Variants in ENPP3 observed in about 807,000 individuals in gnomAD.
The protein encoded by ENPP3 is ectonucleotide pyrophosphatase/phosphodiesterase 3, also known as ectonucleotide pyrophosphatase/phosphodiesterase family member 3.
ENPP3 carries 104 observed loss-of-function variants against 117.8 expected under a neutral mutation model. The observed-to-expected ratio is 0.88, with a 90% confidence interval of 0.75 to 1.04. The LOEUF (loss-of-function observed/expected upper bound fraction) is 1.04, where lower values mean the gene tolerates loss of function less well. ENPP3 is among the 50% of genes least tolerant of loss of function. The pLI, the probability that ENPP3 is intolerant of heterozygous loss-of-function variation, is 0.00. For missense variants in ENPP3, 1,026 were observed against 1,051.9 expected (o/e 0.98, Z 0.34); for synonymous variants, 380 against 349.9 (o/e 1.09, Z -0.96).
intron 11 of ENPP3, among the ~76,000 whole-genome samples, chr6:131,678,941 CT>C (rs1457205356): frequency 2.1e-5 from 2 of 94,252 alleles, no homozygotes; most frequent in African/African-American, 1.5e-4. Flanking sequence ...TTCTTTCTTT[CT>C]TTCTTTCTTT....
At chr6:131,746,125 A>G (rs1396132299) in intron 24 of ENPP3, among the ~76,000 whole-genome samples, 1 of 152,152 alleles carries the variant, frequency 6.6e-6, no homozygotes, top group Non-Finnish European at 1.5e-5. Context: ...CTATGGCCCA[A>G]CAATTTTATT....
At chr6:131,691,549 G>A (rs953653017) in intron 14 of ENPP3, among the ~76,000 whole-genome samples, 17 of 148,594 alleles carry the variant, frequency 1.1e-4, no homozygotes, top group East Asian at 5.9e-4. Flanking sequence ...AGATCATACC[G>A]CTGCACTCCA....
At chr6:131,715,643 A>G (rs1397618232) in intron 15 of ENPP3, among the ~76,000 whole-genome samples, 54 of 151,460 alleles carry the variant, frequency 3.6e-4, no homozygotes, top group African/African-American at 1.3e-3. Flanking sequence ...CTCCACAACC[A>G]GGCAGATCTC....
At chr6:131,659,619 C>T (rs1217857342) in intron 6 of ENPP3, among the ~76,000 whole-genome samples, 3 of 152,036 alleles carry the variant, frequency 2.0e-5, no homozygotes, top group African/African-American at 7.3e-5. Context: ...TAATTCCAGC[C>T]CCAAATGCCA....
At chr6:131,701,905 A>G (rs1186495609) in intron 15 of ENPP3, among the ~76,000 whole-genome samples, 2 of 102,152 alleles carry the variant, frequency 2.0e-5, no homozygotes, top group Non-Finnish European at 4.4e-5. Flanking sequence ...AAAAGAAAAG[A>G]AAAAAAAAAC....
intron 9 of ENPP3, 39 bp from the exon 10 acceptor site, chr6:131,676,697 G>C: frequency 7.7e-7 from 1 of 1,305,594 alleles, no homozygotes; most frequent in Non-Finnish European, 1.1e-6. Flanking sequence ...TTCTTGATTT[G>C]ATTCATTTTA....
At chr6:131,733,413 A>C (rs1780327270) in intron 20 of ENPP3, among the ~76,000 whole-genome samples, 175 bp from the exon 21 acceptor site, 1 of 152,190 alleles carries the variant, frequency 6.6e-6, no homozygotes, top group African/African-American at 2.4e-5. Context: ...CCAGAAGGGA[A>C]CCACAGAAGA....
chr6:131,708,897 T>A (rs9398993), intron 15 of ENPP3: 1 of 1,607,694 alleles, frequency 6.2e-7, no homozygotes, highest in Non-Finnish European at 8.5e-7. Flanking sequence ...TTGTATCCAC[T>A]GGAAACAATG....
chr6:131,691,955 A>C (rs1779291188), intron 14 of ENPP3, among the ~76,000 whole-genome samples: 1 of 152,192 alleles, frequency 6.6e-6, no homozygotes, highest in East Asian at 1.9e-4. Flanking sequence ...ACTGGCAAAA[A>C]TATGTTTGCA....
chr6:131,642,121 G>A (rs752784038), intron 2 of ENPP3, among the ~76,000 whole-genome samples: 1 of 151,950 alleles, frequency 6.6e-6, no homozygotes, highest in East Asian at 1.9e-4. Context: ...ATGGACTTTG[G>A]TAAGTGGATC....
intron 15 of ENPP3, chr6:131,700,270 A>G: frequency 4.5e-6 from 1 of 220,040 alleles, no homozygotes; most frequent in Non-Finnish European, 7.5e-6. Flanking sequence ...TGAAGAGATC[A>G]ATTTCTAGAA....
At chr6:131,652,964 C>T (rs997155831) in intron 5 of ENPP3, 73 bp downstream of exon 5, 40 of 995,766 alleles carry the variant, frequency 4.0e-5, no homozygotes, top group South Asian at 8.4e-5. Context: ...TTAGTTGAGA[C>T]GCAGAGAGGA....
chr6:131,742,647 C>T (rs1780551262), intron 24 of ENPP3, among the ~76,000 whole-genome samples: 2 of 152,110 alleles, frequency 1.3e-5, no homozygotes, highest in Admixed American at 1.3e-4. Flanking sequence ...ACAAAAACAA[C>T]TTCCAGCCTG....
At chr6:131,666,980 T>C (rs114140363) in intron 6 of ENPP3, among the ~76,000 whole-genome samples, 1,599 of 152,196 alleles carry the variant, frequency 0.011, 25 homozygotes, top group African/African-American at 0.036. Flanking sequence ...CTAGGTCCCA[T>C]TGGTGTTCCA....
At chr6:131,640,544 T>C (rs1778019150) in intron 1 of ENPP3, among the ~76,000 whole-genome samples, 1 of 152,010 alleles carries the variant, frequency 6.6e-6, no homozygotes, top group African/African-American at 2.4e-5. Flanking sequence ...ATGAAAACAA[T>C]CCTCAAAAAA....
At chr6:131,672,750 A>G (rs1778772892) in intron 7 of ENPP3, among the ~76,000 whole-genome samples, 2 of 151,460 alleles carry the variant, frequency 1.3e-5, no homozygotes, top group Non-Finnish European at 2.9e-5. Flanking sequence ...TACTATTTAT[A>G]TATTTTTATA....
At chr6:131,717,999 C>T (rs1343482994) in intron 15 of ENPP3, among the ~76,000 whole-genome samples, 5 of 152,142 alleles carry the variant, frequency 3.3e-5, no homozygotes, top group African/African-American at 7.2e-5. Context: ...AGCCCAGGTG[C>T]GTAGAAGGCT....
intron 14 of ENPP3, among the ~76,000 whole-genome samples, chr6:131,691,802 T>C (rs995035345): frequency 2.2e-4 from 33 of 152,058 alleles, no homozygotes; most frequent in African/African-American, 7.7e-4. Context: ...CCCTTGCATC[T>C]TGGGGGAAGC....
At chr6:131,726,295 A>G (rs1780153457) in intron 20 of ENPP3, 95 bp downstream of exon 20, 1 of 1,146,592 alleles carries the variant, frequency 8.7e-7, no homozygotes, top group Admixed American at 2.0e-5. Flanking sequence ...CAGAGATTCA[A>G]AGGGAGGGAA....
Sources: allele counts gnomAD v4.1 joint callset (sites outside exome capture counted in the v4.1 genomes callset), GRCh38; gene constraint gnomAD v4.1.1; transcripts MANE v1.5; gene names NCBI Gene and HGNC (gene_info 2026-07-23, HGNC 2026-07-21).